The following CD44 variants were observed in gnomAD, a reference collection of about 807,000 sequenced individuals.
CD44 encodes the protein CD44 molecule (IN blood group).
In CD44, 49 loss-of-function variants were observed where a neutral mutation model predicts 88.8. The ratio of observed to expected loss-of-function variants is 0.55; its 90% CI spans 0.44 to 0.70. The LOEUF (loss-of-function observed/expected upper bound fraction) is 0.70. Among genes scored for constraint, CD44 ranks in the 30% least tolerant of loss-of-function variants. The pLI, the probability that CD44 is intolerant of heterozygous loss-of-function variation, is 0.00. For synonymous variants in CD44, 325 were observed against 312.3 expected, an observed-to-expected ratio of 1.04 and a Z score of -0.43; for missense variants, 883 against 913.8, an observed-to-expected ratio of 0.97 and a Z score of 0.43.
At chr11:35,176,492 A>G (rs1944483066) in intron 1 of CD44, 83 bp from the exon 2 acceptor site, 8 of 1,340,518 alleles carry the variant, frequency 6.0e-6, no homozygotes, top group Non-Finnish European at 8.2e-6. Flanking sequence ...TTGACTTTTT[A>G]AGGAGTCTGT....
At chr11:35,165,818 A>G (rs1943198087) in intron 1 of CD44, among the ~76,000 whole-genome samples, 1 of 152,184 alleles carries the variant, frequency 6.6e-6, no homozygotes, top group Non-Finnish European at 1.5e-5. Context: ...TCCCACTCCC[A>G]GATGGGGGCC....
chr11:35,194,331 A>G (rs544565161), intron 5 of CD44, among the ~76,000 whole-genome samples: 1 of 152,354 alleles, frequency 6.6e-6, no homozygotes, highest in African/African-American at 2.4e-5. Flanking sequence ...TTATCATTCA[A>G]TAATAGATAC....
In CD44 at chr11:35,231,974, T is replaced by C. The variant is rs1259815072; in HGVS notation, c.*2641T>C. 1 of 152,236 alleles carries C rather than the reference T, an allele frequency of 6.6e-6. No homozygotes were observed. Among genetic ancestry groups the C allele is most frequent in the South Asian group, 2.1e-4 (1 of 4,838 alleles). The allele number at this position is 152,236 out of a possible 1,614,324, so 9.4% of individuals were successfully genotyped here. A position where few individuals can be genotyped will look rare whatever the true frequency, so the allele number is the denominator to read the frequency against. ...TCAAGCCTGGTAGAATTGGCTTTTC[T>C]AGCAGAACCTTTCCAAAAGTTTTAT... On this transcript the variant is annotated 3_prime_UTR_variant, in exon 18 of 18. Transcript: ENST00000428726.
At chr11:35,207,499 A>G (rs1320080551) in intron 11 of CD44, among the ~76,000 whole-genome samples, 1 of 152,244 alleles carries the variant, frequency 6.6e-6, no homozygotes, top group Non-Finnish European at 1.5e-5. Flanking sequence ...TCAACATTGT[A>G]CATGTTAAAT....
At chr11:35,186,258 A>G (rs921547856) in intron 3 of CD44, among the ~76,000 whole-genome samples, 14 of 152,216 alleles carry the variant, frequency 9.2e-5, no homozygotes, top group African/African-American at 3.1e-4. Context: ...TTGGTTTTTA[A>G]TATTTCAACT....
chr11:35,231,900 C>T lies in CD44; in HGVS notation c.*2567C>T, dbSNP rs965313607. On this transcript the variant is annotated 3_prime_UTR_variant, in exon 18 of 18. Coordinates refer to ENST00000428726, the MANE Select transcript of CD44 (RefSeq NM_000610.4). ...TCCTGAAGACTTCCCTTAAAATTAG[C>T]TCTGAGTGAAAAATCAAAAGAGACA... 1.3e-5 allele frequency: 2 copies of T among 152,172 alleles called. No individual in the cohort carries two copies. Among genetic ancestry groups the T allele is most frequent in the South Asian group, 2.1e-4 (1 of 4,824 alleles). 9.4% of individuals were successfully genotyped at this position (152,172 alleles called of 1,614,324 possible). A position where few individuals can be genotyped will look rare whatever the true frequency, so the allele number is the denominator to read the frequency against.
chr11:35,140,270 G>A (rs755381874), intron 1 of CD44, among the ~76,000 whole-genome samples: 2 of 152,222 alleles, frequency 1.3e-5, no homozygotes, highest in Admixed American at 1.3e-4. Context: ...TGCGTGTAAG[G>A]TATATTCTAG....
intron 14 of CD44, among the ~76,000 whole-genome samples, chr11:35,213,117 C>T (rs1005874475): frequency 6.6e-6 from 1 of 152,140 alleles, no homozygotes; most frequent in Non-Finnish European, 1.5e-5. Context: ...AGCCACCACG[C>T]CCAGCCATGA....
At chr11:35,218,685 G>C (rs1056880824) in intron 15 of CD44, among the ~76,000 whole-genome samples, 5 of 152,104 alleles carry the variant, frequency 3.3e-5, no homozygotes, top group Non-Finnish European at 7.4e-5. Context: ...TTCCCTTTGG[G>C]CTTTCTGGAG....
chr11:35,147,977 G>A (rs1297902584), intron 1 of CD44, among the ~76,000 whole-genome samples: 3 of 152,076 alleles, frequency 2.0e-5, no homozygotes, highest in Non-Finnish European at 4.4e-5. Flanking sequence ...TGTAATCTCA[G>A]CTACTTGGGA....
intron 1 of CD44, among the ~76,000 whole-genome samples, chr11:35,146,810 A>G (rs1859265122): frequency 2.6e-5 from 4 of 152,240 alleles, no homozygotes; most frequent in Admixed American, 2.6e-4. Flanking sequence ...GTTGTTTTCA[A>G]AAACTTCATT....
chr11:35,180,682 T>G (rs80115730), intron 3 of CD44, among the ~76,000 whole-genome samples: 31 of 152,292 alleles, frequency 2.0e-4, no homozygotes, highest in African/African-American at 7.5e-4. Context: ...GGGCCCCACA[T>G]AAATTACACT....
At chr11:35,223,096 C>G (rs11033031) in intron 17 of CD44, 1 of 984,840 alleles carries the variant, frequency 1.0e-6, no homozygotes, top group Admixed American at 6.1e-5. Context: ...GCTATCTATA[C>G]CATTGAGGGC....
At chr11:35,204,272 C>T (rs528449588) in intron 9 of CD44, among the ~76,000 whole-genome samples, 2 of 152,266 alleles carry the variant, frequency 1.3e-5, no homozygotes, top group South Asian at 2.1e-4. Context: ...CTGCTTAGTC[C>T]TATGATTTTG....
intron 17 of CD44, among the ~76,000 whole-genome samples, chr11:35,227,116 C>G (rs78971286): frequency 0.11 from 16,175 of 152,080 alleles, 1,002 homozygotes; most frequent in Admixed American, 0.17. Flanking sequence ...GTCTCGAACT[C>G]CTGACCTCAA....
intron 1 of CD44, 42 bp downstream of exon 1, chr11:35,139,412 G>A (rs985894332): frequency 6.5e-7 from 1 of 1,532,698 alleles, no homozygotes; most frequent in African/African-American, 1.4e-5. Flanking sequence ...TGGGTGCGGG[G>A]TGCTCAGCGC....
chr11:35,210,365 T>G (rs560870149), intron 13 of CD44: 114 of 166,250 alleles, frequency 6.9e-4, no homozygotes, highest in African/African-American at 2.3e-3. Flanking sequence ...TAACTTGAGA[T>G]CTTTCTAACT....
chr11:35,178,666 G>A, intron 2 of CD44, among the ~76,000 whole-genome samples: 1 of 152,224 alleles, frequency 6.6e-6, no homozygotes, highest in South Asian at 2.1e-4. Context: ...CATAAAACCG[G>A]TAGGCAACAT....
chr11:35,210,587 A>T (rs1948299338), intron 13 of CD44: 1 of 152,350 alleles, frequency 6.6e-6, no homozygotes. Context: ...TGAGTTTCTT[A>T]GTCTTGATTT....
Sources: allele counts gnomAD v4.1 joint callset (sites outside exome capture counted in the v4.1 genomes callset), GRCh38; gene constraint gnomAD v4.1.1; transcripts MANE v1.5; gene names NCBI Gene and HGNC (gene_info 2026-07-23, HGNC 2026-07-21).